The following CELSR1 variants were observed in gnomAD, a reference collection of about 807,000 sequenced individuals.
The protein encoded by CELSR1 is adhesion G protein-coupled receptor C1.
A neutral mutation model predicts 249.1 loss-of-function variants in CELSR1; 110 were observed. The ratio of observed to expected loss-of-function variants is 0.44; its 90% CI spans 0.38 to 0.52. The LOEUF is 0.52. Ranked by LOEUF, CELSR1 falls within the 20% of genes least tolerant of loss-of-function variation. CELSR1 has a pLI of 0.00. For missense variants in CELSR1, 4,109 were observed against 4,296.4 expected (o/e 0.96, Z 1.22); for synonymous variants, 2,113 against 1,900.0 (o/e 1.11, Z -2.92).
At chr22:46,414,587 G>A (rs1285528999) in intron 5 of CELSR1, among the ~76,000 whole-genome samples, 2 of 152,064 alleles carry the variant, frequency 1.3e-5, no homozygotes, top group Admixed American at 1.3e-4. Flanking sequence ...CAGGCTAACC[G>A]TCCACTCTCC....
Position 46,361,711 on chromosome 22 carries a change from C to CAA in CELSR1, c.*1510_*1511dup, listed in dbSNP as rs768428715. 1 of 152,232 alleles carries CAA rather than the reference C, an allele frequency of 6.6e-6. No individual in the cohort carries two copies. The highest frequency in any genetic ancestry group is 1.5e-5 in the Non-Finnish European group (1 of 68,044). 9.4% of individuals were successfully genotyped at this position (152,232 alleles called of 1,614,324 possible). On this transcript the variant is annotated 3_prime_UTR_variant, in exon 35 of 35. Transcript: ENST00000674500. ...ACAGTGCTCACATTTTCATCAGGGT[C>CAA]AAGTTTAAAACAGTGTGGACATCTT...
At position 46,428,128 on chromosome 22, in the gene CELSR1, C is replaced by G. The variant is rs146146239; in HGVS notation, c.4611+5265G>C. 1.1e-4 allele frequency among the ~76,000 whole-genome samples: 17 copies of G among 152,330 alleles called. No individual in the cohort carries two copies. The highest frequency in any genetic ancestry group is 2.5e-4 in the Non-Finnish European group (17 of 68,026). ...CAAAGCACTTACATCCTCTGCTCAA[C>G]AGAAGCAGAGGCCGGTCCTCCGGTT... On this transcript the variant is annotated intron_variant, in intron 5 of 34. Transcript: ENST00000674500. This position sits in a 1 kb window ranked among gnomAD's most constrained non-coding sequence, Gnocchi z 5.7.
At chr22:46,405,972 C>T (rs1050862908) in intron 9 of CELSR1, among the ~76,000 whole-genome samples, 1 of 152,196 alleles carries the variant, frequency 6.6e-6, no homozygotes, top group Non-Finnish European at 1.5e-5. Context: ...AAGGCCACCC[C>T]TCCAGCCACC....
Position 46,390,724 on chromosome 22 carries a change from C to T in CELSR1, c.6251-238G>A, listed in dbSNP as rs981597169. Among the ~76,000 whole-genome samples, 1 of 152,164 alleles carries T rather than the reference C, an allele frequency of 6.6e-6. No individual in the cohort carries two copies. Among genetic ancestry groups the T allele is most frequent in the African/African-American group, 2.4e-5 (1 of 41,428 alleles). ...CCCAGCCAACAGGAGCCAGCACTTC[C>T]GAGCAAGTCCGTGAGGAAAGAAATC... On this transcript the variant is annotated intron_variant, in intron 16 of 34. Coordinates refer to ENST00000674500, the MANE Select transcript of CELSR1 (RefSeq NM_001378328.1). The surrounding 1 kb of genome is among the most constrained non-coding windows in gnomAD (Gnocchi z 6.3).
At position 46,410,086 on chromosome 22, in the gene CELSR1, CAG is replaced by C; in HGVS notation, c.4934-208_4934-207del. ...ACCACATTTGGAGACGCTGGGACGCCAGGCCATCACGGCAGCCGGCCCGGTCA... is the reference window on the plus strand; with the variant it reads ...ACCACATTTGGAGACGCTGGGACGCCGCCATCACGGCAGCCGGCCCGGTCA... On this transcript the variant is annotated intron_variant, in intron 7 of 34. Coordinates refer to ENST00000674500, the MANE Select transcript of CELSR1 (RefSeq NM_001378328.1). The surrounding 1 kb of genome is among the most constrained non-coding windows in gnomAD (Gnocchi z 6.8). Among the ~76,000 whole-genome samples, 1 of 152,216 alleles carries C rather than the reference CAG, an allele frequency of 6.6e-6. No individual in the cohort carries two copies. The highest frequency in any genetic ancestry group is 6.5e-5 in the Admixed American group (1 of 15,288).
intron 23 of CELSR1, among the ~76,000 whole-genome samples, chr22:46,378,254 T>C (rs2078939814): frequency 6.6e-6 from 1 of 152,110 alleles, no homozygotes; most frequent in Non-Finnish European, 1.5e-5. Context: ...CGCACTGAAG[T>C]GAGGGGCAGG....
At chr22:46,475,064 C>T (rs2080194374) in intron 1 of CELSR1, among the ~76,000 whole-genome samples, 1 of 152,088 alleles carries the variant, frequency 6.6e-6, no homozygotes, top group South Asian at 2.1e-4. Flanking sequence ...TATCTTGCCG[C>T]ATTATTCTGT....
chr22:46,438,573 A>G (rs1162224821), intron 3 of CELSR1, among the ~76,000 whole-genome samples: 1 of 152,230 alleles, frequency 6.6e-6, no homozygotes, highest in East Asian at 1.9e-4. Flanking sequence ...ATAATTGTCC[A>G]GTGCAATAAT....
At chr22:46,368,399 C>T (rs1333502256) in intron 27 of CELSR1, among the ~76,000 whole-genome samples, 1 of 152,070 alleles carries the variant, frequency 6.6e-6, no homozygotes, top group Non-Finnish European at 1.5e-5. Flanking sequence ...GACAAGGCCC[C>T]AGACCCCCCG....
chr22:46,443,483 C>CT (rs1347772181), intron 2 of CELSR1, among the ~76,000 whole-genome samples: 1 of 152,226 alleles, frequency 6.6e-6, no homozygotes, highest in African/African-American at 2.4e-5. Context: ...GGAGGCTAAC[C>CT]CCCCTACCAC....
chr22:46,518,090 A>T lies in CELSR1; in HGVS notation c.3544+15537T>A, dbSNP rs1463804201. Among the ~76,000 whole-genome samples, 3 of 152,044 alleles carry T rather than the reference A, an allele frequency of 2.0e-5. No individual in the cohort carries two copies. Among genetic ancestry groups the T allele is most frequent in the African/African-American group, 7.2e-5 (3 of 41,414 alleles). ...GGTAATTTTTTTGTGTTTTTAGTAG[A>T]GATGGGGTTTCTCCATGTTGGTCAG... On this transcript the variant is annotated intron_variant, in intron 1 of 34. Transcript: ENST00000674500. The surrounding 1 kb of genome is among the most constrained non-coding windows in gnomAD (Gnocchi z 5.2).
chr22:46,390,326 ACT>A lies in CELSR1; in HGVS notation c.6345+64_6345+65del, dbSNP rs2079075682. ...AGCCCAGGAGCCTCGGCCCACACAA[ACT>A]CTCTCACGCATACACGAACACACAC... On this transcript the variant is annotated intron_variant, in intron 17 of 34. Coordinates refer to ENST00000674500, the MANE Select transcript of CELSR1 (RefSeq NM_001378328.1). The surrounding 1 kb of genome is among the most constrained non-coding windows in gnomAD (Gnocchi z 6.3). The A allele has an allele frequency of 3.8e-6, 5 of 1,312,556 alleles. No homozygotes were observed. Among genetic ancestry groups the A allele is most frequent in the South Asian group, 2.7e-5 (2 of 75,164 alleles). 81.3% of individuals were successfully genotyped at this position (1,312,556 alleles called of 1,614,324 possible).
At chr22:46,389,555 C>G (rs1398802117) in intron 17 of CELSR1, 56 bp from the exon 18 acceptor site, 3 of 1,541,630 alleles carry the variant, frequency 1.9e-6, no homozygotes, top group Non-Finnish European at 2.7e-6. Context: ...GCTTTCAGTC[C>G]CTGCTGTTAC....
At position 46,534,506 on chromosome 22, in the gene CELSR1, C is replaced by T. The variant is rs760361779; in HGVS notation, c.2665G>A (p.Ala889Thr). The change falls in exon 1 of 35, where the codon GCA (alanine) becomes ACA (threonine). Residue 889 changes from alanine to threonine, a missense_variant. Transcript: ENST00000674500. This position sits in a 1 kb window ranked among gnomAD's most constrained non-coding sequence, Gnocchi z 9.7. Reference protein sequence around the residue: ...EILILDANDNAPQFLWDFYQG... With the variant: ...EILILDANDNTPQFLWDFYQG... ...TAGAAATCCCACAGGAACTGGGGTG[C>T]ATTGTCATTGGCATCGAGGATGAGG... 7 of 1,613,232 alleles carry T rather than the reference C, an allele frequency of 4.3e-6. No individual in the cohort carries two copies. In the South Asian group the frequency reaches 7.7e-5, roughly 18 times the overall value.
At chr22:46,450,787 T>G (rs1418498750) in intron 2 of CELSR1, among the ~76,000 whole-genome samples, 1 of 152,148 alleles carries the variant, frequency 6.6e-6, no homozygotes, top group Non-Finnish European at 1.5e-5. Flanking sequence ...GGACAGAGGT[T>G]TCCTGAGCAA....
intron 1 of CELSR1, among the ~76,000 whole-genome samples, chr22:46,476,595 C>CAAA (rs35183117): frequency 9.3e-6 from 1 of 107,848 alleles, no homozygotes; most frequent in East Asian, 2.7e-4. Flanking sequence ...GACTCCGTCT[C>CAAA]AAAAAAAAAA....
chr22:46,530,201 C>A, intron 1 of CELSR1: 1 of 152,102 alleles, frequency 6.6e-6, no homozygotes, highest in South Asian at 1.9e-4. Flanking sequence ...GAGCTGAGAT[C>A]AAGGCTGACA....
intron 2 of CELSR1, among the ~76,000 whole-genome samples, chr22:46,449,696 A>G (rs1358177720): frequency 6.6e-6 from 1 of 152,184 alleles, no homozygotes; most frequent in East Asian, 1.9e-4. Context: ...AAATACATGA[A>G]GAGTTATAGC....
Position 46,409,271 on chromosome 22 carries a change from C to G in CELSR1, c.5060-109G>C. The G allele has an allele frequency of 5.1e-6, 6 of 1,166,416 alleles. No homozygotes were observed. The highest frequency in any genetic ancestry group is 7.2e-6 in the Non-Finnish European group (6 of 833,140). 72.3% of individuals were successfully genotyped at this position (1,166,416 alleles called of 1,614,324 possible). ...GCAGGCTAGGCCTGGGCCTTTTTCA[C>G]TTTAACACGAAGGTGGGTCTGAGCC... On this transcript the variant is annotated intron_variant, in intron 8 of 34. Transcript: ENST00000674500. The surrounding 1 kb of genome is among the most constrained non-coding windows in gnomAD (Gnocchi z 9.8).
Sources: allele counts gnomAD v4.1 joint callset (sites outside exome capture counted in the v4.1 genomes callset), GRCh38; gene constraint gnomAD v4.1.1; non-coding constraint Gnocchi (gnomAD v3.1); transcripts MANE v1.5; gene names NCBI Gene and HGNC (gene_info 2026-07-23, HGNC 2026-07-21).